Variants in CCDC32 observed in about 807,000 individuals in gnomAD.
The protein encoded by CCDC32 is coiled-coil domain-containing protein 32.
A neutral mutation model predicts 20.1 loss-of-function variants in CCDC32; 9 were observed. The observed-to-expected ratio is 0.45, with a 90% confidence interval of 0.27 to 0.78. CCDC32 has a LOEUF of 0.78. Ranked by LOEUF, CCDC32 falls within the 30% of genes least tolerant of loss-of-function variation. CCDC32 has a pLI of 0.16. For synonymous variants in CCDC32, 63 were observed against 79.0 expected, an observed-to-expected ratio of 0.80 and a Z score of 1.07; for missense variants, 204 against 215.5, an observed-to-expected ratio of 0.95 and a Z score of 0.33.
At chr15:40,542,020 A>G (rs894617141) in intron 3 of CCDC32, among the ~76,000 whole-genome samples, 3 of 152,236 alleles carry the variant, frequency 2.0e-5, no homozygotes, top group Non-Finnish European at 4.4e-5. Context: ...AACAGCAGCA[A>G]GCCCCCATAG....
chr15:40,556,190 C>A (rs558167425), intron 3 of CCDC32, among the ~76,000 whole-genome samples: 1 of 152,338 alleles, frequency 6.6e-6, no homozygotes, highest in East Asian at 1.9e-4. Flanking sequence ...AGCATGCCCT[C>A]TCTATCTTTC....
chr15:40,551,684 C>G (rs1453800875), downstream of CCDC32, among the ~76,000 whole-genome samples: 1 of 151,832 alleles, frequency 6.6e-6, no homozygotes, highest in East Asian at 1.9e-4. Flanking sequence ...GTGGTATGCA[C>G]CTGTAGTCCC....
the CCDC32 span, among the ~76,000 whole-genome samples, chr15:40,522,828 CTTTTTTTT>C: frequency 3.0e-5 from 4 of 131,188 alleles, no homozygotes; most frequent in South Asian, 2.4e-4. Context: ...GTTTTCCTTT[CTTTTTTTT>C]TTTTTTTTTT....
chr15:40,543,338 T>C (rs1329762578), intron 3 of CCDC32, among the ~76,000 whole-genome samples: 1 of 152,292 alleles, frequency 6.6e-6, no homozygotes, highest in East Asian at 1.9e-4. Context: ...AGGGCGGGCA[T>C]GGAAACCACC....
rs1296340093 is a variant in CCDC32 at position 40,553,397 on chromosome 15, A to G, written c.*574T>C. 2.0e-6 allele frequency: 2 copies of G among 984,642 alleles called. No individual in the cohort carries two copies. The highest frequency in any genetic ancestry group is 2.4e-6 in the Non-Finnish European group (2 of 829,386). The allele number at this position is 984,642 out of a possible 1,614,324, so 61.0% of individuals were successfully genotyped here. On this transcript the variant is annotated 3_prime_UTR_variant, in exon 4 of 4. Transcript: ENST00000416810. Reference sequence around the variant, plus strand: ...TTGTTCCACAAGGAACAAATGAGAGAAAGAAGCCCAGCCTCTCTCCCTGGA... The same window carrying G: ...TTGTTCCACAAGGAACAAATGAGAGGAAGAAGCCCAGCCTCTCTCCCTGGA...
chr15:40,558,132 A>G (rs934283353), intron 2 of CCDC32: 13 of 152,226 alleles, frequency 8.5e-5, no homozygotes, highest in Admixed American at 4.6e-4. Context: ...AAAGGACATC[A>G]CCATTTACCG....
downstream of CCDC32, chr15:40,537,586 C>T (rs1889174875): frequency 6.6e-6 from 1 of 152,240 alleles, no homozygotes. Context: ...ATGACCAACT[C>T]CCAAAATACA....
At chr15:40,560,288 G>A (rs567330515) in intron 2 of CCDC32, among the ~76,000 whole-genome samples, 9 of 152,298 alleles carry the variant, frequency 5.9e-5, no homozygotes, top group East Asian at 5.8e-4. Context: ...GATTACAGGC[G>A]TGAGCCACCG....
At chr15:40,542,479 A>T (rs998322143) in intron 3 of CCDC32, among the ~76,000 whole-genome samples, 1 of 152,106 alleles carries the variant, frequency 6.6e-6, no homozygotes, top group Non-Finnish European at 1.5e-5. Context: ...GTAGGAAAAG[A>T]CCCTGTTGCA....
intron 1 of CCDC32, among the ~76,000 whole-genome samples, chr15:40,563,693 C>A (rs1440880610): frequency 6.6e-6 from 1 of 152,050 alleles, no homozygotes; most frequent in Non-Finnish European, 1.5e-5. Flanking sequence ...CACACACACA[C>A]ACACACACAC....
chr15:40,557,092 G>C, intron 3 of CCDC32, 124 bp downstream of exon 3: 1 of 1,071,562 alleles, frequency 9.3e-7, no homozygotes, highest in Non-Finnish European at 1.3e-6. Context: ...TGACCAACAC[G>C]TAGCTGCAGT....
At chr15:40,524,739 C>CTTTTTTTTTTTTTTTTTTTTTTTTT, downstream of CCDC32, among the ~76,000 whole-genome samples, 1 of 95,244 alleles carries the variant, frequency 1.0e-5, no homozygotes, top group Non-Finnish European at 1.9e-5. Flanking sequence ...CTTTTTCTTT[C>CTTTTTTTTTTTTTTTTTTTTTTTTT]TTTTTTTTTT....
downstream of CCDC32, chr15:40,532,249 C>T (rs1462642738): frequency 4.3e-6 from 3 of 703,088 alleles, no homozygotes; most frequent in African/African-American, 5.2e-5. Context: ...TGGTAACATA[C>T]TATTGTCCTG....
At chr15:40,524,751 T>C (rs1322983412), downstream of CCDC32, among the ~76,000 whole-genome samples, 1 of 41,046 alleles carries the variant, frequency 2.4e-5, no homozygotes, top group South Asian at 1.1e-3. Flanking sequence ...TTTTTTTTTT[T>C]TTTTTTTTTT....
intron 3 of CCDC32, 55 bp from the exon 4 acceptor site, chr15:40,554,182 T>G: frequency 2.6e-6 from 4 of 1,557,102 alleles, no homozygotes; most frequent in Non-Finnish European, 2.6e-6. Context: ...GATTAATTAC[T>G]TAATGATTAT....
At chr15:40,541,025 G>C (rs981644377) in intron 3 of CCDC32, among the ~76,000 whole-genome samples, 2 of 152,152 alleles carry the variant, frequency 1.3e-5, no homozygotes, top group Non-Finnish European at 1.5e-5. Flanking sequence ...CAAAGGTCCC[G>C]CACAGCCCTG....
intron 3 of CCDC32, among the ~76,000 whole-genome samples, chr15:40,546,568 A>G (rs1169690932): frequency 6.6e-6 from 1 of 152,058 alleles, no homozygotes; most frequent in African/African-American, 2.4e-5. Flanking sequence ...CTTCCCCACC[A>G]GACCCCATAG....
chr15:40,524,427 G>C (rs1894873519), downstream of CCDC32, among the ~76,000 whole-genome samples: 1 of 151,766 alleles, frequency 6.6e-6, no homozygotes, highest in Admixed American at 6.6e-5. Flanking sequence ...AAAGTGCTGG[G>C]ATTACAGGCC....
downstream of CCDC32, chr15:40,534,970 G>A (rs1301308335): frequency 1.4e-6 from 1 of 702,618 alleles, no homozygotes; most frequent in African/African-American, 1.7e-5. Context: ...TGGTATCTGT[G>A]TGGTCTTGGG....
Sources: gnomAD v4.1 joint callset for allele counts (sites outside exome capture counted in the v4.1 genomes callset) on GRCh38, gnomAD v4.1.1 for gene constraint, MANE v1.5 for transcripts, NCBI Gene and HGNC (gene_info 2026-07-23, HGNC 2026-07-21) for gene names.